CCDC63: variants seen among roughly 807,000 people sequenced by gnomAD.
CCDC63 encodes the protein coiled-coil domain containing 63, also known as coiled-coil domain-containing protein 63.
In CCDC63, 54 loss-of-function variants were observed where a neutral mutation model predicts 63.6. The ratio of observed to expected loss-of-function variants is 0.85; its 90% confidence interval spans 0.68 to 1.07. The LOEUF is 1.07. Ranked by LOEUF, CCDC63 falls within the 50% of genes least tolerant of loss-of-function variation. The pLI, the probability that CCDC63 is intolerant of heterozygous loss-of-function variation, is 0.00. For missense variants in CCDC63, 637 were observed against 689.6 expected (o/e 0.92, Z 0.86); for synonymous variants, 253 against 266.1 (o/e 0.95, Z 0.48).
intron 4 of CCDC63, among the ~76,000 whole-genome samples, chr12:110,859,278 T>C (rs1333626197): frequency 1.3e-5 from 2 of 152,140 alleles, no homozygotes; most frequent in African/African-American, 4.8e-5. Context: ...ATGCTGGCCA[T>C]TGAATATTCC....
intron 10 of CCDC63, 114 bp from the exon 11 acceptor site, chr12:110,904,474 C>G (rs147402383): frequency 0.032 from 27,184 of 842,680 alleles, 623 homozygotes; most frequent in Non-Finnish European, 0.043. Context: ...GCCCAGATCC[C>G]GCACCTCCTG....
intron 1 of CCDC63, among the ~76,000 whole-genome samples, chr12:110,851,105 A>G (rs1321023604): frequency 6.6e-6 from 1 of 152,184 alleles, no homozygotes; most frequent in Non-Finnish European, 1.5e-5. Context: ...GGCTCAGTTT[A>G]TGTGCTAAAT....
intron 9 of CCDC63, among the ~76,000 whole-genome samples, chr12:110,893,946 C>T (rs1308152345): frequency 2.7e-5 from 4 of 147,798 alleles, no homozygotes; most frequent in African/African-American, 5.0e-5. Context: ...TGCAGTGAGC[C>T]GAGATCGTGT....
chr12:110,867,156 C>T (rs563987914), intron 4 of CCDC63, among the ~76,000 whole-genome samples: 33 of 131,770 alleles, frequency 2.5e-4, no homozygotes, highest in Admixed American at 5.2e-4. Flanking sequence ...CCGGAGGGGG[C>T]GGCTGGCCGG....
chr12:110,851,855 C>A (rs140605215), intron 1 of CCDC63, among the ~76,000 whole-genome samples: 1 of 152,272 alleles, frequency 6.6e-6, no homozygotes, highest in East Asian at 1.9e-4. Context: ...TCCCATTTTC[C>A]AGGTGAGGAA....
At chr12:110,848,093 AT>A (rs1364769434) in intron 1 of CCDC63, among the ~76,000 whole-genome samples, 1 of 152,216 alleles carries the variant, frequency 6.6e-6, no homozygotes, top group Non-Finnish European at 1.5e-5. Flanking sequence ...CAGCTTTTAG[AT>A]TCCTAACAGG....
At chr12:110,879,666 A>C (rs975305623) in intron 5 of CCDC63, among the ~76,000 whole-genome samples, 18 of 152,130 alleles carry the variant, frequency 1.2e-4, no homozygotes, top group African/African-American at 3.6e-4. Flanking sequence ...TTAGGTCTAA[A>C]AGTAGTTGAG....
intron 10 of CCDC63, among the ~76,000 whole-genome samples, chr12:110,900,510 C>T (rs548087873): frequency 3.3e-5 from 5 of 152,116 alleles, no homozygotes; most frequent in Non-Finnish European, 7.4e-5. Flanking sequence ...TGACCCTAAG[C>T]TCAGAGAGGA....
At chr12:110,877,637 C>T (rs955449834) in intron 5 of CCDC63, among the ~76,000 whole-genome samples, 3 of 151,930 alleles carry the variant, frequency 2.0e-5, no homozygotes, top group Non-Finnish European at 4.4e-5. Flanking sequence ...TGCTCCCTTT[C>T]CCCCTCACCC....
chr12:110,905,983 T>TTA (rs2071566956), intron 11 of CCDC63, among the ~76,000 whole-genome samples: 2 of 49,996 alleles, frequency 4.0e-5, no homozygotes, highest in African/African-American at 1.8e-4. Flanking sequence ...AAAATATATA[T>TTA]TATATTATTA....
intron 8 of CCDC63, among the ~76,000 whole-genome samples, chr12:110,885,463 A>G (rs762003376): frequency 6.6e-5 from 10 of 152,182 alleles, no homozygotes; most frequent in Non-Finnish European, 1.2e-4. Context: ...CATGGAATAG[A>G]GTCTAAACCC....
intron 8 of CCDC63, among the ~76,000 whole-genome samples, chr12:110,888,637 A>G (rs1178440600): frequency 6.6e-6 from 1 of 152,226 alleles, no homozygotes; most frequent in Non-Finnish European, 1.5e-5. Flanking sequence ...AAAATGTTAT[A>G]GGACAAAGAT....
chr12:110,890,902 G>A lies in CCDC63; in HGVS notation c.1075-2174G>A, dbSNP rs539010863. Among the ~76,000 whole-genome samples the A allele has an allele frequency of 2.1e-4, 31 of 147,170 alleles. 1 individual carries two copies. The South Asian group carries it at 5.6e-3, about 26-fold the overall frequency. On this transcript the variant is annotated intron_variant, in intron 8 of 11. Coordinates refer to ENST00000308208, the MANE Select transcript of CCDC63 (RefSeq NM_152591.3). Reference sequence around the variant, plus strand: ...AGGGATTCTCCTACCTCAGCCTCCCGAGTATCTGGGGACTACAGGCATGTA... The same window carrying A: ...AGGGATTCTCCTACCTCAGCCTCCCAAGTATCTGGGGACTACAGGCATGTA...
chr12:110,884,316 C>A, intron 8 of CCDC63, 66 bp downstream of exon 8: 1 of 1,320,998 alleles, frequency 7.6e-7, no homozygotes. Context: ...CCAGGGCAGT[C>A]TCCTAGGAAG....
chr12:110,900,414 A>G (rs1427746424), intron 10 of CCDC63, among the ~76,000 whole-genome samples: 1 of 152,176 alleles, frequency 6.6e-6, no homozygotes, highest in Non-Finnish European at 1.5e-5. Context: ...TAAAAGGCAC[A>G]CAAATTAGAA....
intron 4 of CCDC63, among the ~76,000 whole-genome samples, chr12:110,871,012 C>T (rs2071058520): frequency 6.6e-6 from 1 of 152,234 alleles, no homozygotes; most frequent in South Asian, 2.1e-4. Context: ...ACCTCGACTT[C>T]TCTAAGCCCA....
chr12:110,885,866 G>GT (rs2071272519), intron 8 of CCDC63, among the ~76,000 whole-genome samples: 1 of 152,202 alleles, frequency 6.6e-6, no homozygotes, highest in Admixed American at 6.5e-5. Context: ...TCATTTACTA[G>GT]TGATGAATTA....
intron 3 of CCDC63, among the ~76,000 whole-genome samples, chr12:110,858,110 T>TATGAA (rs2070798726): frequency 1.5e-5 from 2 of 137,792 alleles, no homozygotes; most frequent in East Asian, 4.2e-4. Flanking sequence ...TGTCTCAAAA[T>TATGAA]ATAAAATAAA....
Position 110,899,037 on chromosome 12 carries a change from C to G in CCDC63, c.1254C>G (p.Phe418Leu), listed in dbSNP as rs777681312. 8.7e-6 allele frequency: 14 copies of G among 1,613,624 alleles called. No homozygotes were observed. The highest frequency in any genetic ancestry group is 1.2e-5 in the Non-Finnish European group (14 of 1,179,882). ...TGAAGAACTCAGTGGAGAAACTGTTCAAGAAGATAAACTGTGACGCCACCA... is the reference window on the plus strand; with the variant it reads ...TGAAGAACTCAGTGGAGAAACTGTTGAAGAAGATAAACTGTGACGCCACCA... The part of the protein sequence containing the change: ...DLLKNSVEKL[F>L]KKINCDATKI... Residue 418 changes from phenylalanine to leucine, a missense_variant, in exon 10 of 12, where the codon TTC becomes TTG. Transcript: ENST00000308208.
Sources: allele counts gnomAD v4.1 joint callset (sites outside exome capture counted in the v4.1 genomes callset), GRCh38; gene constraint gnomAD v4.1.1; transcripts MANE v1.5; gene names NCBI Gene and HGNC (gene_info 2026-07-23, HGNC 2026-07-21).